Variants in CSF2RA observed in about 807,000 individuals in gnomAD.
CSF2RA encodes the protein colony stimulating factor 2 receptor subunit alpha, also known as granulocyte-macrophage colony-stimulating factor receptor subunit alpha.
In CSF2RA, 42 loss-of-function variants were observed where a neutral mutation model predicts 51.6. The observed-to-expected ratio is 0.81, with a 90% confidence interval of 0.64 to 1.05. The LOEUF (loss-of-function observed/expected upper bound fraction) is 1.05. Among genes scored for constraint, CSF2RA ranks in the 50% least tolerant of loss-of-function variants. The probability of loss-of-function intolerance (pLI) is 0.00; values close to 1 mark genes in which losing one functional copy is unlikely to be tolerated. For missense variants in CSF2RA, 530 were observed against 501.1 expected, an observed-to-expected ratio of 1.06 and a Z score of -0.55; for synonymous variants, 222 against 193.0, an observed-to-expected ratio of 1.15 and a Z score of -1.24.
At chrX:1,301,745 C>T (rs1350139636) in intron 10 of CSF2RA, among the ~76,000 whole-genome samples, 1 of 150,762 alleles carries the variant, frequency 6.6e-6, no homozygotes, top group African/African-American at 2.4e-5. Context: ...TACAGGTGCC[C>T]ATCACCACGC....
At chrX:1,277,593 CAAA>C (rs749833246) in intron 2 of CSF2RA, among the ~76,000 whole-genome samples, 1,513 of 70,408 alleles carry the variant, frequency 0.021, 5 homozygotes, top group African/African-American at 0.032. Context: ...AAGTCCATCT[CAAA>C]AAAAAAAAAA....
rs1394892741 is a variant in CSF2RA at position 1,285,568 on chromosome X, G to A, written c.77-210G>A. On this transcript the variant is annotated intron_variant, in intron 3 of 12. Transcript: ENST00000381529. ...AAATTAGCTGGGCATGGTGGTCGGC[G>A]CCTGTCATCCCAGCTACTCGGGAGG... is the stretch of plus-strand genomic sequence containing the variant. The A allele has an allele frequency of 8.3e-5, 53 of 635,884 alleles. No homozygotes were observed. The East Asian group carries it at 9.6e-4, about 12-fold the overall frequency. 39.4% of individuals were successfully genotyped at this position (635,884 alleles called of 1,614,324 possible).
chrX:1,274,645 C>T (rs1163503131), intron 1 of CSF2RA, 110 bp from the exon 2 acceptor site: 1 of 368,352 alleles, frequency 2.7e-6, no homozygotes, highest in African/African-American at 3.6e-5. Context: ...ATTTTTAAAA[C>T]CTTTGTAGTA....
intron 3 of CSF2RA, among the ~76,000 whole-genome samples, chrX:1,284,407 C>T (rs1446400009): frequency 5.1e-5 from 7 of 136,152 alleles, no homozygotes; most frequent in Non-Finnish European, 1.1e-4. Context: ...GGAGATCTTG[C>T]TATGTTGCCA....
intron 11 of CSF2RA, among the ~76,000 whole-genome samples, chrX:1,305,055 G>A (rs1251575785): frequency 4.0e-5 from 6 of 149,280 alleles, no homozygotes; most frequent in Non-Finnish European, 7.4e-5. Context: ...GTGCAGTGGT[G>A]CAATCTCGGC....
chrX:1,320,664 A>ATTTTTTTTTTT, the CSF2RA span, among the ~76,000 whole-genome samples: 1 of 123,382 alleles, frequency 8.1e-6, no homozygotes, highest in Non-Finnish European at 1.7e-5. Flanking sequence ...TGCCCAGCTA[A>ATTTTTTTTTTT]TTTTTTTTTT....
chrX:1,295,474 C>A lies in CSF2RA; in HGVS notation c.810+18C>A, dbSNP rs2091850245. The A allele has an allele frequency of 3.1e-6, 5 of 1,613,370 alleles. No homozygotes were observed. Among genetic ancestry groups the A allele is most frequent in the African/African-American group, 1.3e-5 (1 of 74,902 alleles). On this transcript the variant is annotated intron_variant, in intron 9 of 12. Transcript: ENST00000381529. ...ACCTACTGGTAAGTGAAACCACAGA[C>A]CCTACTGACAACCCTCAGCGTAACC... is the stretch of plus-strand genomic sequence containing the variant.
intron 10 of CSF2RA, among the ~76,000 whole-genome samples, chrX:1,301,185 A>T (rs2092344714): frequency 6.8e-6 from 1 of 146,630 alleles, no homozygotes; most frequent in Non-Finnish European, 1.5e-5. Context: ...ACAAAAACTA[A>T]CCAGGATTGG....
intron 12 of CSF2RA, among the ~76,000 whole-genome samples, chrX:1,308,695 C>T (rs1222303209): frequency 6.6e-6 from 1 of 152,124 alleles, no homozygotes; most frequent in African/African-American, 2.4e-5. Flanking sequence ...CTTCCACCCC[C>T]ACGCCAGCCT....
At chrX:1,303,436 C>A in intron 10 of CSF2RA, 1 of 420,622 alleles carries the variant, frequency 2.4e-6, no homozygotes. Flanking sequence ...GATGAGGTTT[C>A]ACCATGTTAG....
chrX:1,275,780 G>A (rs775833254), intron 2 of CSF2RA, among the ~76,000 whole-genome samples: 1 of 151,672 alleles, frequency 6.6e-6, no homozygotes, highest in African/African-American at 2.4e-5. Context: ...GGATGGTCTC[G>A]ATCTCCTGAC....
chrX:1,287,922 A>T (rs2090947460), intron 4 of CSF2RA, among the ~76,000 whole-genome samples: 1 of 143,836 alleles, frequency 7.0e-6, no homozygotes, highest in Non-Finnish European at 1.5e-5. Context: ...TTTTTAGTAG[A>T]GACGGGGTTT....
intron 10 of CSF2RA, among the ~76,000 whole-genome samples, chrX:1,301,750 C>G (rs1293569118): frequency 2.0e-5 from 3 of 150,902 alleles, no homozygotes; most frequent in African/African-American, 7.3e-5. Flanking sequence ...GTGCCCATCA[C>G]CACGCCTGGC....
chrX:1,297,189 A>C (rs28726158), intron 9 of CSF2RA, among the ~76,000 whole-genome samples: 454 of 2,972 alleles, frequency 0.15, 2 homozygotes, highest in African/African-American at 0.19. Flanking sequence ...AGTCTCCTAC[A>C]CATGACCCCT....
chrX:1,278,329 T>C (rs1393132686), intron 2 of CSF2RA, among the ~76,000 whole-genome samples: 1 of 143,742 alleles, frequency 7.0e-6, no homozygotes, highest in Admixed American at 7.1e-5. Context: ...TGAGACTCAG[T>C]CTCAAAAAAA....
chrX:1,284,738 C>T (rs28478285), intron 3 of CSF2RA, among the ~76,000 whole-genome samples: 14,517 of 118,600 alleles, frequency 0.12, 1,208 homozygotes, highest in Middle Eastern at 0.17. Flanking sequence ...GATCTCGGCT[C>T]ATTGCAACCT....
chrX:1,283,333 T>A (rs1200333782), intron 3 of CSF2RA, among the ~76,000 whole-genome samples: 1 of 148,572 alleles, frequency 6.7e-6, no homozygotes, highest in Non-Finnish European at 1.5e-5. Flanking sequence ...CTTTCTCTCT[T>A]TCTTCCTTCC....
chrX:1,279,443 G>T (rs1458812299), intron 2 of CSF2RA, among the ~76,000 whole-genome samples: 1 of 152,096 alleles, frequency 6.6e-6, no homozygotes, highest in Non-Finnish European at 1.5e-5. Flanking sequence ...GAGGGGGCCA[G>T]TCTCAAGGAA....
chrX:1,295,728 T>C, intron 9 of CSF2RA: 3 of 641,432 alleles, frequency 4.7e-6, no homozygotes, highest in Non-Finnish European at 8.5e-6. Context: ...GAGGAGACCC[T>C]GCCCCACCTC....
Sources: gnomAD v4.1 joint callset for allele counts (sites outside exome capture counted in the v4.1 genomes callset) on GRCh38, gnomAD v4.1.1 for gene constraint, MANE v1.5 for transcripts, NCBI Gene and HGNC (gene_info 2026-07-23, HGNC 2026-07-21) for gene names.